The following DST variants were observed in gnomAD, a reference collection of about 807,000 sequenced individuals.
DST encodes bullous pemphigoid antigen.
A neutral mutation model predicts 875.2 loss-of-function variants in DST; 253 were observed. The observed-to-expected ratio is 0.29, with a 90% CI of 0.26 to 0.32. DST has a LOEUF of 0.32. Among genes scored for constraint, DST ranks in the 10% least tolerant of loss-of-function variants. DST has a pLI of 1.00. For missense variants in DST, 8,287 were observed against 9,111.6 expected (o/e 0.91, Z 3.68); for synonymous variants, 3,124 against 3,197.1 (o/e 0.98, Z 0.77).
chr6:56,801,024 A>AG (rs1338337349), intron 4 of DST, among the ~76,000 whole-genome samples: 3 of 129,016 alleles, frequency 2.3e-5, no homozygotes, highest in Non-Finnish European at 3.4e-5. Context: ...TGTCTCAGGG[A>AG]GAAAAAAAAA....
chr6:56,951,422 A>T (rs1184244531), intron 2 of DST, among the ~76,000 whole-genome samples: 3 of 152,254 alleles, frequency 2.0e-5, no homozygotes, highest in Non-Finnish European at 4.4e-5. Flanking sequence ...AGCTACTACT[A>T]AAAAGCAACA....
chr6:56,476,385 A>G (rs1415989300), intron 91 of DST, 48 bp from the exon 92 acceptor site: 5 of 1,421,388 alleles, frequency 3.5e-6, no homozygotes, highest in African/African-American at 2.9e-5. Context: ...ACTTAGTAAA[A>G]TAATTGCAGT....
At position 56,604,887 on chromosome 6, in the gene DST, A is replaced by G. The variant is rs758566868; in HGVS notation, c.9741T>C (p.Leu3247=). Residue 3247 remains leucine (L), a synonymous_variant, in exon 40 of 104, where the codon CTT becomes CTC. Coordinates refer to ENST00000680361, the MANE Select transcript of DST (RefSeq NM_001374736.1). ...PLNDMIQSND[L]CSKESISGGG... ...CTCCTGAGATGCTTTCTTTACTACA[A>G]AGATCATTGCTTTGGATCATGTCAT... is the stretch of plus-strand genomic sequence containing the variant. 9.4e-5 allele frequency: 151 copies of G among 1,612,556 alleles called. No individual in the cohort carries two copies. Among genetic ancestry groups the G allele is most frequent in the Non-Finnish European group, 1.2e-4 (147 of 1,179,284 alleles).
intron 10 of DST, among the ~76,000 whole-genome samples, chr6:56,652,475 A>C (rs2098982077): frequency 6.6e-6 from 1 of 152,230 alleles, no homozygotes; most frequent in African/African-American, 2.4e-5. Flanking sequence ...CTGTTTGCTC[A>C]AAATAATCAT....
At chr6:56,503,976 T>A (rs916661027) in intron 78 of DST, 21 bp downstream of exon 78, 9 of 1,558,902 alleles carry the variant, frequency 5.8e-6, no homozygotes, top group Non-Finnish European at 7.9e-6. Context: ...GAGTCTTCGA[T>A]AAATTAGCCC....
chr6:56,795,244 T>G (rs2099737731), intron 4 of DST, among the ~76,000 whole-genome samples: 1 of 151,626 alleles, frequency 6.6e-6, no homozygotes, highest in Admixed American at 6.6e-5. Flanking sequence ...TCAGAAAAAT[T>G]AAAATAGGAT....
At chr6:56,889,131 A>G (rs931596278) in intron 3 of DST, among the ~76,000 whole-genome samples, 1 of 152,242 alleles carries the variant, frequency 6.6e-6, no homozygotes. Flanking sequence ...TCCAAGGCTC[A>G]GACCTCAAGT....
At chr6:56,494,261 A>G in intron 82 of DST, 81 bp from the exon 83 acceptor site, 2 of 1,321,150 alleles carry the variant, frequency 1.5e-6, no homozygotes, top group Non-Finnish European at 2.0e-6. Flanking sequence ...ATCAGTCCCA[A>G]GCTCCTCATC....
intron 9 of DST, among the ~76,000 whole-genome samples, chr6:56,689,367 A>C (rs540919102): frequency 1.3e-3 from 202 of 152,320 alleles, no homozygotes; most frequent in African/African-American, 4.6e-3. Context: ...CCAGGCCCGT[A>C]GTCCACATTG....
At chr6:56,659,623 A>C in intron 10 of DST, among the ~76,000 whole-genome samples, 1 of 152,206 alleles carries the variant, frequency 6.6e-6, no homozygotes, top group East Asian at 1.9e-4. Flanking sequence ...TATGTGTTGA[A>C]GAATGAGTAT....
intron 76 of DST, 28 bp downstream of exon 76, chr6:56,506,639 G>C: frequency 1.9e-6 from 3 of 1,612,398 alleles, no homozygotes; most frequent in Non-Finnish European, 2.5e-6. Context: ...CTTTTTAAAA[G>C]CCATTCTGAT....
At chr6:56,813,399 A>T (rs1451016859) in intron 4 of DST, among the ~76,000 whole-genome samples, 7 of 152,096 alleles carry the variant, frequency 4.6e-5, no homozygotes, top group East Asian at 1.9e-4. Flanking sequence ...ATAAAAAAAA[A>T]AATAAAATAA....
intron 10 of DST, among the ~76,000 whole-genome samples, chr6:56,664,542 G>A (rs2099062382): frequency 6.6e-6 from 1 of 152,062 alleles, no homozygotes; most frequent in African/African-American, 2.4e-5. Context: ...GTGTTTAAAG[G>A]ATACTCCTAG....
intron 13 of DST, among the ~76,000 whole-genome samples, chr6:56,647,688 G>GT (rs111620249): frequency 0.024 from 2,999 of 126,814 alleles, 44 homozygotes; most frequent in East Asian, 0.054. Context: ...TTTTTGTAAT[G>GT]TTTTTTTTTT....
chr6:56,838,367 C>A (rs1349539636), intron 4 of DST, among the ~76,000 whole-genome samples: 3 of 152,162 alleles, frequency 2.0e-5, no homozygotes, highest in African/African-American at 7.2e-5. Context: ...ATTCCAGCTC[C>A]CCACAGAGCC....
At position 56,670,670 on chromosome 6, in the gene DST, T is replaced by C; in HGVS notation, c.1185A>G (p.Lys395=). 6.3e-7 allele frequency: 1 copy of C among 1,596,158 alleles called. No homozygotes were observed. The highest frequency in any genetic ancestry group is 8.5e-7 in the Non-Finnish European group (1 of 1,171,620). The change falls in exon 10 of 104, where the codon AAA becomes AAG. Residue 395 remains lysine (K), a synonymous_variant. Coordinates refer to ENST00000680361, the MANE Select transcript of DST (RefSeq NM_001374736.1). ...ATTTATGAATGATGGCATTAAATAA[T>C]TTTCCATCTCTCCAGCAGGTAGTGA... is the stretch of plus-strand genomic sequence containing the variant. ...ENFTTCWRDG[K]LFNAIIHKYR...
chr6:56,839,792 C>G (rs1229200181), intron 4 of DST, among the ~76,000 whole-genome samples: 1 of 152,014 alleles, frequency 6.6e-6, no homozygotes, highest in Non-Finnish European at 1.5e-5. Flanking sequence ...TTTTATAGCC[C>G]TAATGAGAGA....
chr6:56,620,169 T>G, intron 36 of DST: 1 of 1,613,680 alleles, frequency 6.2e-7, no homozygotes, highest in South Asian at 1.1e-5. Flanking sequence ...TTTATCAGCT[T>G]CAAGAGTTCT....
intron 3 of DST, among the ~76,000 whole-genome samples, chr6:56,880,578 T>C (rs997258616): frequency 1.3e-5 from 2 of 151,708 alleles, no homozygotes; most frequent in African/African-American, 2.4e-5. Context: ...TCCCAGCTAC[T>C]TGGGAGCCTG....
Sources: gnomAD v4.1 joint callset for allele counts (sites outside exome capture counted in the v4.1 genomes callset) on GRCh38, gnomAD v4.1.1 for gene constraint, MANE v1.5 for transcripts, NCBI Gene and HGNC (gene_info 2026-07-23, HGNC 2026-07-21) for gene names.